Variants in DNAJC16 observed in about 807,000 individuals in gnomAD.
The protein encoded by DNAJC16 is DnaJ heat shock protein family (Hsp40) member C16.
A neutral mutation model predicts 92.7 loss-of-function variants in DNAJC16; 76 were observed. The observed-to-expected ratio is 0.82, with a 90% CI of 0.68 to 0.99. The LOEUF (loss-of-function observed/expected upper bound fraction) is 0.99, where lower values mean the gene tolerates loss of function less well. DNAJC16 is among the 50% of genes least tolerant of loss of function. DNAJC16 has a pLI of 0.00. For missense variants in DNAJC16, 869 were observed against 942.4 expected, an observed-to-expected ratio of 0.92 and a Z score of 1.02; for synonymous variants, 328 against 358.7, an observed-to-expected ratio of 0.91 and a Z score of 0.97.
At chr1:15,554,742 T>G (rs12759296) in intron 7 of DNAJC16, among the ~76,000 whole-genome samples, 37,714 of 152,050 alleles carry the variant, frequency 0.25, 6,006 homozygotes, top group East Asian at 0.58. Flanking sequence ...ATTGGGTTTA[T>G]ACTGATTGTT....
intron 7 of DNAJC16, among the ~76,000 whole-genome samples, chr1:15,557,659 TC>T (rs1191251338): frequency 6.6e-6 from 1 of 152,070 alleles, no homozygotes; most frequent in African/African-American, 2.4e-5. Flanking sequence ...ATCTCAGAGT[TC>T]TTATAAATAG....
intron 1 of DNAJC16, among the ~76,000 whole-genome samples, chr1:15,528,699 ATTTAT>A (rs1710580256): frequency 6.6e-6 from 1 of 152,202 alleles, no homozygotes; most frequent in Non-Finnish European, 1.5e-5. Flanking sequence ...TTCTTAAACC[ATTTAT>A]TTTATTTATT....
chr1:15,570,648 A>C lies in DNAJC16; in HGVS notation c.*2471A>C, dbSNP rs1170892425. 1 of 152,234 alleles carries C rather than the reference A, an allele frequency of 6.6e-6. No individual in the cohort carries two copies. Among genetic ancestry groups the C allele is most frequent in the Non-Finnish European group, 1.5e-5 (1 of 68,046 alleles). 9.4% of individuals were successfully genotyped at this position (152,234 alleles called of 1,614,324 possible). Reference sequence around the variant, plus strand: ...TGGCAATGTTCCTGGCAGATGTTTCAGCCCAAAAGCTCTTCTACAGACCGG... The same window carrying C: ...TGGCAATGTTCCTGGCAGATGTTTCCGCCCAAAAGCTCTTCTACAGACCGG... On this transcript the variant is annotated 3_prime_UTR_variant, in exon 15 of 15. Transcript: ENST00000375847.
At chr1:15,551,713 A>T (rs544158042) in intron 7 of DNAJC16, among the ~76,000 whole-genome samples, 11 of 151,874 alleles carry the variant, frequency 7.2e-5, no homozygotes, top group South Asian at 2.1e-4. Flanking sequence ...TCCTGGGCTC[A>T]AGTGATCCTT....
intron 3 of DNAJC16, among the ~76,000 whole-genome samples, chr1:15,534,673 A>C (rs1341120267): frequency 1.3e-5 from 2 of 152,132 alleles, no homozygotes. Flanking sequence ...TGCAGTGAGC[A>C]GAGATCGAGG....
intron 2 of DNAJC16, among the ~76,000 whole-genome samples, chr1:15,531,427 T>C (rs1254184371): frequency 6.6e-6 from 1 of 152,248 alleles, no homozygotes; most frequent in Non-Finnish European, 1.5e-5. Flanking sequence ...CAGGGACTCT[T>C]TATACCAAGG....
In DNAJC16 at chr1:15,571,155, T is replaced by C. The variant is rs1638940572; in HGVS notation, c.*2978T>C. On this transcript the variant is annotated 3_prime_UTR_variant, in exon 15 of 15. Coordinates refer to ENST00000375847, the MANE Select transcript of DNAJC16 (RefSeq NM_015291.4). ...GCCATGGTCTCACTGCCATCACTTA[T>C]TAGCCATGAGAATTTGGTTGTAGTT... 1 of 152,228 alleles carries C rather than the reference T, an allele frequency of 6.6e-6. No individual in the cohort carries two copies. 9.4% of individuals were successfully genotyped at this position (152,228 alleles called of 1,614,324 possible). A position where few individuals can be genotyped will look rare whatever the true frequency, so the allele number is the denominator to read the frequency against.
intron 7 of DNAJC16, among the ~76,000 whole-genome samples, chr1:15,549,031 A>AC: frequency 6.6e-6 from 1 of 152,296 alleles, no homozygotes; most frequent in South Asian, 2.1e-4. Context: ...ACCTTTTTTC[A>AC]CCCATCCAAC....
chr1:15,559,750 T>G, intron 8 of DNAJC16, 94 bp downstream of exon 8: 1 of 1,500,388 alleles, frequency 6.7e-7, no homozygotes, highest in South Asian at 1.3e-5. Flanking sequence ...CCCTGTAACA[T>G]TGAGAACTTA....
intron 11 of DNAJC16, 122 bp downstream of exon 11, chr1:15,564,481 C>T (rs1022161429): frequency 5.9e-6 from 4 of 673,888 alleles, no homozygotes; most frequent in Admixed American, 5.1e-5. Flanking sequence ...AGTGGAAGAA[C>T]GTTTACACAT....
At chr1:15,543,658 G>A (rs1710987652) in intron 4 of DNAJC16, among the ~76,000 whole-genome samples, 1 of 152,196 alleles carries the variant, frequency 6.6e-6, no homozygotes, top group Admixed American at 6.5e-5. Flanking sequence ...GGGAGAAATA[G>A]GGGGAGAGCA....
At position 15,539,831 on chromosome 1, in the gene DNAJC16, C is replaced by CA. The variant is rs562557116; in HGVS notation, c.574+3018dup. 5.4e-4 allele frequency among the ~76,000 whole-genome samples: 82 copies of CA among 152,120 alleles called. 1 individual carries two copies. In the East Asian group the frequency reaches 0.015, roughly 27 times the overall value. On this transcript the variant is annotated intron_variant, in intron 4 of 14. Coordinates refer to ENST00000375847, the MANE Select transcript of DNAJC16 (RefSeq NM_015291.4). ...TCACTTGAGGTCAGGAGTTTGAGAC[C>CA]AGCCTGGCCAACATGGTGAAATCCC...
chr1:15,567,765 C>A lies in DNAJC16; in HGVS notation c.1950-13C>A. ...GGAAATGCCCTGAGTCCTCAATTCT[C>A]TTCTTCCTACAGGAGCAGCTGCCTA... On this transcript the variant is annotated splice_polypyrimidine_tract_variant and intron_variant, in intron 14 of 14. Coordinates refer to ENST00000375847, the MANE Select transcript of DNAJC16 (RefSeq NM_015291.4). The A allele has an allele frequency of 1.9e-6, 3 of 1,605,690 alleles. 1 individual carries two copies. The South Asian group carries it at 3.3e-5, about 18-fold the overall frequency.
At chr1:15,547,515 T>G (rs1638339815) in intron 6 of DNAJC16, among the ~76,000 whole-genome samples, 1 of 151,202 alleles carries the variant, frequency 6.6e-6, no homozygotes, top group Non-Finnish European at 1.5e-5. Flanking sequence ...TGATCTAGAC[T>G]CACTGCAACC....
chr1:15,549,783 A>G (rs1330071763), intron 7 of DNAJC16, among the ~76,000 whole-genome samples: 1 of 141,574 alleles, frequency 7.1e-6, no homozygotes, highest in African/African-American at 2.7e-5. Flanking sequence ...CGCCCACTGC[A>G]CTCCAGCCTG....
At chr1:15,531,873 G>A (rs1209884888) in intron 2 of DNAJC16, among the ~76,000 whole-genome samples, 1 of 152,180 alleles carries the variant, frequency 6.6e-6, no homozygotes, top group African/African-American at 2.4e-5. Flanking sequence ...GATATACACT[G>A]AAAATAGCAG....
chr1:15,556,470 C>T (rs1254970804), intron 7 of DNAJC16, among the ~76,000 whole-genome samples: 2 of 152,096 alleles, frequency 1.3e-5, no homozygotes, highest in African/African-American at 2.4e-5. Flanking sequence ...GTGATCTGCC[C>T]GCCTCGGCCT....
At chr1:15,564,138 G>T (rs760428984) in intron 10 of DNAJC16, 27 bp downstream of exon 10, 43 of 1,612,424 alleles carry the variant, frequency 2.7e-5, no homozygotes, top group Non-Finnish European at 3.5e-5. Context: ...GGAAGGGTGG[G>T]ACACCAGGAG....
chr1:15,554,800 G>A (rs950719455), intron 7 of DNAJC16, among the ~76,000 whole-genome samples: 2 of 151,982 alleles, frequency 1.3e-5, no homozygotes, highest in Non-Finnish European at 2.9e-5. Context: ...AAAGCTATAC[G>A]GCTTTTAGAA....
Sources: allele counts gnomAD v4.1 joint callset (sites outside exome capture counted in the v4.1 genomes callset), GRCh38; gene constraint gnomAD v4.1.1; transcripts MANE v1.5; gene names NCBI Gene and HGNC (gene_info 2026-07-23, HGNC 2026-07-21).